Variants in ABCA12 observed in about 807,000 individuals in gnomAD.
ABCA12 encodes the protein ATP binding cassette subfamily A member 12.
A neutral mutation model predicts 293.5 loss-of-function variants in ABCA12; 156 were observed. The observed-to-expected ratio is 0.53, with a 90% CI of 0.47 to 0.61. ABCA12 has a LOEUF of 0.61. Ranked by LOEUF, ABCA12 falls within the 20% of genes least tolerant of loss-of-function variation. The pLI, the probability that ABCA12 is intolerant of heterozygous loss-of-function variation, is 0.00. For synonymous variants in ABCA12, 1,063 were observed against 1,108.0 expected (o/e 0.96, Z 0.81); for missense variants, 2,797 against 3,090.2 (o/e 0.91, Z 2.25).
intron 2 of ABCA12, among the ~76,000 whole-genome samples, chr2:215,071,046 A>G (rs896639228): frequency 8.6e-5 from 13 of 151,596 alleles, no homozygotes; most frequent in African/African-American, 3.2e-4. Context: ...AAAACCCACA[A>G]ACTATCTCGG....
Position 214,950,663 on chromosome 2 carries a change from C to T in ABCA12, c.6852+216G>A, listed in dbSNP as rs538962966. The stretch of plus-strand genomic sequence containing the variant: ...GGGACTACAGACGTGCGCCCCCATG[C>T]CTAGCTAATTTTTCTATTTTCAGTA... On this transcript the variant is annotated intron_variant, in intron 45 of 52. Transcript: ENST00000272895. Among the ~76,000 whole-genome samples the T allele has an allele frequency of 2.6e-5, 4 of 151,848 alleles. No homozygotes were observed. The East Asian group carries it at 7.7e-4, about 29-fold the overall frequency.
intron 39 of ABCA12, 65 bp downstream of exon 39, chr2:214,966,783 G>A: frequency 7.0e-7 from 1 of 1,436,144 alleles, no homozygotes; most frequent in Non-Finnish European, 9.8e-7. Context: ...AGGATATAAA[G>A]TGCATTTTTA....
intron 23 of ABCA12, among the ~76,000 whole-genome samples, chr2:214,993,782 GT>G (rs1444988026): frequency 6.6e-6 from 1 of 152,140 alleles, no homozygotes; most frequent in Non-Finnish European, 1.5e-5. Context: ...GTATAAACGT[GT>G]TTTTCTTCCC....
At chr2:215,121,071 A>C (rs1702795628) in intron 1 of ABCA12, among the ~76,000 whole-genome samples, 1 of 152,246 alleles carries the variant, frequency 6.6e-6, no homozygotes, top group South Asian at 2.1e-4. Flanking sequence ...GCTAAACACA[A>C]CATGCGTTAT....
At chr2:215,105,166 A>G (rs1481568046) in intron 2 of ABCA12, among the ~76,000 whole-genome samples, 1 of 152,146 alleles carries the variant, frequency 6.6e-6, no homozygotes, top group Non-Finnish European at 1.5e-5. Context: ...TTAATGTGCT[A>G]TCTATCCAAT....
chr2:214,982,329 C>G lies in ABCA12; in HGVS notation c.4437G>C (p.Leu1479=). 2.5e-6 allele frequency: 4 copies of G among 1,614,098 alleles called. No homozygotes were observed. The highest frequency in any genetic ancestry group is 3.4e-6 in the Non-Finnish European group (4 of 1,179,982). The change falls in exon 30 of 53, where the codon CTG becomes CTC. Residue 1479 remains leucine (L), a synonymous_variant. Transcript: ENST00000272895. ...YSHRHKRVGT[L]SGGMKRKLSI... is the part of the protein sequence containing the mutation. The stretch of plus-strand genomic sequence containing the variant: ...ATAACTTCCTCTTCATGCCTCCTGA[C>G]AGTGTTCCAACTCTCTTATGACGAT...
At position 214,932,305 on chromosome 2, in the gene ABCA12, G is replaced by C; in HGVS notation, c.*329C>G. On this transcript the variant is annotated 3_prime_UTR_variant, in exon 53 of 53. Coordinates refer to ENST00000272895, the MANE Select transcript of ABCA12 (RefSeq NM_173076.3). ...TTATATTTCAACTACCAAAATCCAT[G>C]CCTTTTAAACTGTCTTTTTATTGAA... 1 of 268,790 alleles carries C rather than the reference G, an allele frequency of 3.7e-6. No homozygotes were observed. The highest frequency in any genetic ancestry group is 7.2e-6 in the Non-Finnish European group (1 of 138,922). The allele number at this position is 268,790 out of a possible 1,614,324, so 16.7% of individuals were successfully genotyped here. A position where few individuals can be genotyped will look rare whatever the true frequency, so the allele number is the denominator to read the frequency against.
intron 50 of ABCA12, 68 bp from the exon 51 acceptor site, chr2:214,937,683 G>T: frequency 8.5e-7 from 1 of 1,176,320 alleles, no homozygotes. Context: ...TGGAATTCTA[G>T]ATAATGAAAC....
At chr2:215,087,784 T>C (rs1702071333) in intron 2 of ABCA12, among the ~76,000 whole-genome samples, 2 of 152,154 alleles carry the variant, frequency 1.3e-5, no homozygotes, top group South Asian at 2.1e-4. Context: ...GAGAGAATAA[T>C]ATATTCAAAG....
chr2:215,094,603 T>C (rs957194846), intron 2 of ABCA12, among the ~76,000 whole-genome samples: 1 of 152,200 alleles, frequency 6.6e-6, no homozygotes, highest in African/African-American at 2.4e-5. Context: ...TCTCATTTCC[T>C]TTAAGACGTT....
At chr2:215,119,752 A>AAAAAAAAAAAAAAAAAAAAAAAC (rs1203424589) in intron 1 of ABCA12, among the ~76,000 whole-genome samples, 1 of 142,966 alleles carries the variant, frequency 7.0e-6, no homozygotes, top group African/African-American at 2.9e-5. Flanking sequence ...AAAAAAAAAA[A>AAAAAAAAAAAAAAAAAAAAAAAC]TGAAAACAAA....
In ABCA12 at chr2:214,978,401, T is replaced by C; in HGVS notation, c.5043A>G (p.Gln1681=). The C allele has an allele frequency of 1.9e-6, 3 of 1,613,936 alleles. No individual in the cohort carries two copies. Among genetic ancestry groups the C allele is most frequent in the Non-Finnish European group, 2.5e-6 (3 of 1,179,886 alleles). Residue 1681 remains glutamine, a synonymous_variant, in exon 33 of 53, where the codon CAA becomes CAG. Coordinates refer to ENST00000272895, the MANE Select transcript of ABCA12 (RefSeq NM_173076.3). ...NSAMSLEHLT[Q]KKIGNSNANG... ...TGGCATTGGAATTCCCAATTTTCTT[T>C]TGTGTTAAGTGCTCAAGACTCATAG...
chr2:215,125,215 A>G (rs1244514966), intron 1 of ABCA12, among the ~76,000 whole-genome samples: 1 of 152,150 alleles, frequency 6.6e-6, no homozygotes, highest in Non-Finnish European at 1.5e-5. Flanking sequence ...GCCTTATAGT[A>G]GAGCTTGAAA....
At chr2:214,940,330 T>G (rs1449782644) in intron 50 of ABCA12, among the ~76,000 whole-genome samples, 5 of 152,272 alleles carry the variant, frequency 3.3e-5, no homozygotes, top group African/African-American at 9.6e-5. Context: ...GATCATGGTG[T>G]ATAAGCTTTT....
At position 215,084,271 on chromosome 2, in the gene ABCA12, G is replaced by A. The variant is rs375659129; in HGVS notation, c.164-20052C>T. Among the ~76,000 whole-genome samples the A allele has an allele frequency of 1.7e-4, 26 of 152,146 alleles. No individual in the cohort carries two copies. The East Asian group carries it at 4.3e-3, about 25-fold the overall frequency. On this transcript the variant is annotated intron_variant, in intron 2 of 52. Coordinates refer to ENST00000272895, the MANE Select transcript of ABCA12 (RefSeq NM_173076.3). ...TAAAGTGCTGGGATTACAGGCATGC[G>A]CTACCATCCCTGGCCAGCAAATGTT...
chr2:215,027,844 C>CT lies in ABCA12; in HGVS notation c.1062-907dup, dbSNP rs1224533625. 2.0e-5 allele frequency among the ~76,000 whole-genome samples: 3 copies of CT among 152,178 alleles called. No homozygotes were observed. The East Asian group carries it at 5.8e-4, about 29-fold the overall frequency. The stretch of plus-strand genomic sequence containing the variant: ...GGATCCCATTGACCAATATAAGTTC[C>CT]TTTTTTCTCTAATCAACCAATTTAG... On this transcript the variant is annotated intron_variant, in intron 9 of 52. Coordinates refer to ENST00000272895, the MANE Select transcript of ABCA12 (RefSeq NM_173076.3).
intron 18 of ABCA12, 53 bp from the exon 19 acceptor site, chr2:215,007,899 T>C (rs2105997423): frequency 6.2e-7 from 1 of 1,606,220 alleles, no homozygotes; most frequent in South Asian, 1.1e-5. Flanking sequence ...TTGTCTATAT[T>C]TTAACAAGGT....
At chr2:215,041,108 A>G (rs570427178) in intron 7 of ABCA12, among the ~76,000 whole-genome samples, 56 of 152,364 alleles carry the variant, frequency 3.7e-4, no homozygotes, top group Middle Eastern at 6.8e-3. Context: ...GGAAATGTAT[A>G]TGTTAAATAG....
chr2:215,133,594 C>A (rs1342746355), intron 1 of ABCA12, among the ~76,000 whole-genome samples: 2 of 152,008 alleles, frequency 1.3e-5, no homozygotes, highest in Non-Finnish European at 2.9e-5. Flanking sequence ...TGGAATATTT[C>A]TTCATTATTT....
Sources: allele counts gnomAD v4.1 joint callset (sites outside exome capture counted in the v4.1 genomes callset), GRCh38; gene constraint gnomAD v4.1.1; transcripts MANE v1.5; gene names NCBI Gene and HGNC (gene_info 2026-07-23, HGNC 2026-07-21).